The following OPRM1 variants were observed in gnomAD, a reference collection of about 807,000 sequenced individuals.
OPRM1 encodes the protein opioid receptor mu 1.
Under a neutral mutation model 31.8 loss-of-function variants are expected in OPRM1, and 27 were observed. The ratio of observed to expected loss-of-function variants is 0.85; its 90% confidence interval spans 0.63 to 1.17. OPRM1 has a LOEUF of 1.17. Ranked by LOEUF, OPRM1 falls within the 50% of genes most tolerant of loss-of-function variation. OPRM1 has a pLI of 0.00. For missense variants in OPRM1, 536 were observed against 511.1 expected (o/e 1.05, Z -0.47); for synonymous variants, 196 against 189.9 (o/e 1.03, Z -0.26).
intron 3 of OPRM1, among the ~76,000 whole-genome samples, chr6:154,144,388 G>C (rs1304601861): frequency 6.6e-6 from 1 of 152,138 alleles, no homozygotes; most frequent in Non-Finnish European, 1.5e-5. Context: ...TATTCATCCT[G>C]AATAAAGAAG....
At chr6:154,015,111 T>C (rs1777933138) in intron 1 of OPRM1, among the ~76,000 whole-genome samples, 1 of 152,150 alleles carries the variant, frequency 6.6e-6, no homozygotes. Context: ...CTCCCTCAGG[T>C]AATTTTGAAA....
chr6:154,182,731 G>A (rs1046746335), intron 3 of OPRM1, among the ~76,000 whole-genome samples: 2 of 152,096 alleles, frequency 1.3e-5, no homozygotes, highest in Non-Finnish European at 2.9e-5. Flanking sequence ...TCTAGGATAC[G>A]AATCCAATGC....
At chr6:154,227,382 G>A (rs549424878) in intron 3 of OPRM1, among the ~76,000 whole-genome samples, 24 of 152,114 alleles carry the variant, frequency 1.6e-4, no homozygotes, top group African/African-American at 5.8e-4. Flanking sequence ...CAACAAAAAT[G>A]TAACATACCT....
intron 3 of OPRM1, among the ~76,000 whole-genome samples, chr6:154,103,489 C>T (rs1795159301): frequency 6.6e-6 from 1 of 152,154 alleles, no homozygotes; most frequent in Non-Finnish European, 1.5e-5. Flanking sequence ...TTGACAAGCT[C>T]TTACTAATTT....
rs1399896053 is a variant in OPRM1, at chr6:154,123,728, C to T, written c.*5007C>T. ...TTTTAAGACCGCATAGGGCAACTTC[C>T]TGACATTGCCATGGCATTTGTAAAC... is the stretch of plus-strand genomic sequence containing the variant. On this transcript the variant is annotated 3_prime_UTR_variant, in exon 4 of 4. Transcript: ENST00000330432. Among the ~76,000 whole-genome samples, 1 of 152,206 alleles carries T rather than the reference C, an allele frequency of 6.6e-6. No individual in the cohort carries two copies. The highest frequency in any genetic ancestry group is 6.5e-5 in the Admixed American group (1 of 15,286).
intron 1 of OPRM1, among the ~76,000 whole-genome samples, chr6:154,025,309 A>G (rs570992075): frequency 8.5e-5 from 13 of 152,100 alleles, no homozygotes; most frequent in Non-Finnish European, 1.6e-4. Context: ...TTGGCTTGAA[A>G]TCTATTTTGT....
intron 1 of OPRM1, among the ~76,000 whole-genome samples, chr6:154,079,015 T>C (rs1163564321): frequency 6.6e-6 from 1 of 152,082 alleles, no homozygotes; most frequent in Non-Finnish European, 1.5e-5. Flanking sequence ...AGGAAAACGT[T>C]CTGGGCTGGG....
chr6:154,165,363 A>G (rs1218147900), intron 3 of OPRM1, among the ~76,000 whole-genome samples: 1 of 152,152 alleles, frequency 6.6e-6, no homozygotes, highest in African/African-American at 2.4e-5. Context: ...ACAATTAGAA[A>G]TAATTATTAT....
chr6:154,036,995 T>TA (rs1018868592), upstream of OPRM1, among the ~76,000 whole-genome samples: 24 of 151,822 alleles, frequency 1.6e-4, no homozygotes, highest in African/African-American at 5.3e-4. Context: ...TAAAGTATAT[T>TA]AAAAAATGCA....
chr6:154,109,222 G>A (rs1562481589), intron 3 of OPRM1, among the ~76,000 whole-genome samples: 1 of 152,174 alleles, frequency 6.6e-6, no homozygotes, highest in Non-Finnish European at 1.5e-5. Context: ...GGACAACACA[G>A]TTTCTTCATA....
chr6:154,237,130 G>A (rs1348804541), intron 3 of OPRM1, among the ~76,000 whole-genome samples: 1 of 152,180 alleles, frequency 6.6e-6, no homozygotes, highest in Non-Finnish European at 1.5e-5. Flanking sequence ...CCTTAAAAGA[G>A]CTTGCTCCAG....
exon 4 of OPRM1, chr6:154,246,792 T>C: frequency 6.2e-7 from 1 of 1,605,896 alleles, no homozygotes; most frequent in Non-Finnish European, 8.5e-7. Flanking sequence ...GTAGATAATG[T>C]ATTACCCTGA....
At chr6:154,203,720 C>G (rs938532865) in intron 3 of OPRM1, among the ~76,000 whole-genome samples, 1 of 152,082 alleles carries the variant, frequency 6.6e-6, no homozygotes, top group African/African-American at 2.4e-5. Flanking sequence ...TGATGAGCTA[C>G]CTGAGAACAG....
At chr6:154,085,888 CTTTTT>C (rs779654564) in intron 1 of OPRM1, among the ~76,000 whole-genome samples, 1 of 123,968 alleles carries the variant, frequency 8.1e-6, no homozygotes, top group Non-Finnish European at 1.6e-5. Context: ...AAAGCTTGCC[CTTTTT>C]TTTTTTTTTT....
chr6:154,013,163 C>A (rs1188419118), intron 1 of OPRM1, among the ~76,000 whole-genome samples: 1 of 152,152 alleles, frequency 6.6e-6, no homozygotes, highest in African/African-American at 2.4e-5. Flanking sequence ...GAGCCTCAAA[C>A]ATTTTGATTC....
rs1158541834 is a variant in OPRM1, at chr6:154,127,893, T to G, written c.*9172T>G. The stretch of plus-strand genomic sequence containing the variant: ...CCCGTCTGCCCCCAGGCTCACCCAG[T>G]GCTCTGTCTCAGTGGTAAGCTGTAA... On this transcript the variant is annotated 3_prime_UTR_variant, in exon 4 of 4. Transcript: ENST00000330432. Among the ~76,000 whole-genome samples, 1 of 152,202 alleles carries G rather than the reference T, an allele frequency of 6.6e-6. No homozygotes were observed.
intron 3 of OPRM1, chr6:154,154,628 T>G (rs775586161): frequency 6.6e-6 from 1 of 152,264 alleles, no homozygotes; most frequent in Non-Finnish European, 1.5e-5. Flanking sequence ...TCCAGCCACA[T>G]GTTTATTTCT....
intron 3 of OPRM1, among the ~76,000 whole-genome samples, chr6:154,216,170 A>C (rs1223821559): frequency 6.6e-6 from 1 of 152,188 alleles, no homozygotes; most frequent in Non-Finnish European, 1.5e-5. Flanking sequence ...ATGTGGCAGA[A>C]TGTTCACTGC....
In OPRM1 at chr6:154,120,694, T is replaced by G. The variant is rs1797252600; in HGVS notation, c.*1973T>G. 6.6e-6 allele frequency among the ~76,000 whole-genome samples: 1 copy of G among 152,208 alleles called. No individual in the cohort carries two copies. The highest frequency in any genetic ancestry group is 1.9e-4 in the East Asian group (1 of 5,198). ...AGGAAAATCCATGCTTTTCATGGGCTAGGATGGTTTCTCCCAAGAGATGAC... is the reference window on the plus strand; with the variant it reads ...AGGAAAATCCATGCTTTTCATGGGCGAGGATGGTTTCTCCCAAGAGATGAC... On this transcript the variant is annotated 3_prime_UTR_variant, in exon 4 of 4. Transcript: ENST00000330432.
Sources: gnomAD v4.1 joint callset for allele counts (sites outside exome capture counted in the v4.1 genomes callset) on GRCh38, gnomAD v4.1.1 for gene constraint, MANE v1.5 for transcripts, NCBI Gene and HGNC (gene_info 2026-07-23, HGNC 2026-07-21) for gene names.